The following GPC5 variants were observed in gnomAD, a reference collection of about 807,000 sequenced individuals.
GPC5 encodes glypican 5, also known as glypican-5.
A neutral mutation model predicts 53.9 loss-of-function variants in GPC5; 47 were observed. That is an observed-to-expected ratio of 0.87 (90% confidence interval 0.69 to 1.11). The LOEUF is 1.11. Ranked by LOEUF, GPC5 falls within the 50% of genes most tolerant of loss-of-function variation. GPC5 has a pLI of 0.00. For synonymous variants in GPC5, 286 were observed against 263.3 expected, an observed-to-expected ratio of 1.09 and a Z score of -0.84; for missense variants, 748 against 713.1, an observed-to-expected ratio of 1.05 and a Z score of -0.56.
intron 2 of GPC5, among the ~76,000 whole-genome samples, chr13:91,585,909 T>G (rs1157762864): frequency 2.0e-5 from 3 of 152,092 alleles, no homozygotes; most frequent in Non-Finnish European, 4.4e-5. Flanking sequence ...AGAAACTATA[T>G]TCTTCTTTAA....
chr13:91,837,638 G>T (rs1347706445), intron 5 of GPC5, among the ~76,000 whole-genome samples: 1 of 152,150 alleles, frequency 6.6e-6, no homozygotes, highest in Non-Finnish European at 1.5e-5. Context: ...TAAATTTTGT[G>T]TAACTTCTGC....
intron 6 of GPC5, among the ~76,000 whole-genome samples, chr13:91,958,041 A>T (rs1186688588): frequency 1.3e-5 from 2 of 152,068 alleles, no homozygotes; most frequent in African/African-American, 2.4e-5. Context: ...AATAACCTTG[A>T]ATATAAACAT....
At chr13:91,490,166 G>A (rs1883860891) in intron 2 of GPC5, among the ~76,000 whole-genome samples, 1 of 152,158 alleles carries the variant, frequency 6.6e-6, no homozygotes. Context: ...GAGAGGGGAT[G>A]GGTTGGGGTC....
intron 2 of GPC5, among the ~76,000 whole-genome samples, chr13:91,485,564 A>G (rs964096438): frequency 6.6e-6 from 1 of 152,058 alleles, no homozygotes; most frequent in Non-Finnish European, 1.5e-5. Flanking sequence ...TTGTTTTTGC[A>G]TGTTGGAACA....
At chr13:91,939,420 T>C (rs1443675419) in intron 6 of GPC5, among the ~76,000 whole-genome samples, 1 of 152,146 alleles carries the variant, frequency 6.6e-6, no homozygotes, top group African/African-American at 2.4e-5. Flanking sequence ...AACTCTAATC[T>C]CTAGGTTGAA....
At chr13:92,710,853 G>A (rs1888111347) in intron 7 of GPC5, among the ~76,000 whole-genome samples, 1 of 152,116 alleles carries the variant, frequency 6.6e-6, no homozygotes, top group Admixed American at 6.6e-5. Flanking sequence ...GATATCCTAG[G>A]AAGAATTATT....
chr13:92,212,459 T>G (rs2042382207), intron 7 of GPC5, among the ~76,000 whole-genome samples: 1 of 152,214 alleles, frequency 6.6e-6, no homozygotes, highest in Admixed American at 6.5e-5. Context: ...ATGAGCAGCT[T>G]TGTTAAATTT....
intron 7 of GPC5, among the ~76,000 whole-genome samples, chr13:92,392,232 G>T (rs878925951): frequency 1.3e-5 from 2 of 152,024 alleles, no homozygotes; most frequent in South Asian, 2.1e-4. Context: ...TTGTCTTGTG[G>T]CCCATGGGAG....
intron 2 of GPC5, among the ~76,000 whole-genome samples, chr13:91,551,379 A>C (rs930044245): frequency 6.6e-6 from 1 of 152,158 alleles, no homozygotes; most frequent in African/African-American, 2.4e-5. Flanking sequence ...GCAATGTGCC[A>C]ATCTCTGTTT....
intron 2 of GPC5, among the ~76,000 whole-genome samples, chr13:91,497,532 A>C (rs556574547): frequency 6.6e-6 from 1 of 152,234 alleles, no homozygotes; most frequent in African/African-American, 2.4e-5. Flanking sequence ...ATTCAGCCTG[A>C]CTGTAATTGG....
At chr13:92,023,296 G>A (rs1346981977) in intron 6 of GPC5, among the ~76,000 whole-genome samples, 1 of 151,928 alleles carries the variant, frequency 6.6e-6, no homozygotes, top group African/African-American at 2.4e-5. Flanking sequence ...TCAAACAGAA[G>A]TTAAGCAAAA....
chr13:92,274,858 C>G (rs977329031), intron 7 of GPC5, among the ~76,000 whole-genome samples: 2 of 151,890 alleles, frequency 1.3e-5, no homozygotes, highest in Non-Finnish European at 2.9e-5. Flanking sequence ...CATTCACACT[C>G]AAGAGGAAGA....
rs375353784 is a variant in GPC5, at chr13:92,434,880, G to A, written c.1561+289891G>A. On this transcript the variant is annotated intron_variant, in intron 7 of 7. Coordinates refer to ENST00000377067, the MANE Select transcript of GPC5 (RefSeq NM_004466.6). ...ATTCACTATATAACAGATACAATGC[G>A]TTTTGCTATCAATATAACCATTAAA... is the stretch of plus-strand genomic sequence containing the variant. 1.1e-4 allele frequency among the ~76,000 whole-genome samples: 17 copies of A among 152,146 alleles called. No individual in the cohort carries two copies. The South Asian group carries it at 1.2e-3, about 11-fold the overall frequency.
chr13:92,840,952 G>T (rs1411666202), intron 7 of GPC5, among the ~76,000 whole-genome samples: 1 of 151,996 alleles, frequency 6.6e-6, no homozygotes, highest in Admixed American at 6.6e-5. Context: ...AGCTGATTTT[G>T]TCTGTCCTGT....
At chr13:91,922,764 A>C (rs1420041015) in intron 6 of GPC5, among the ~76,000 whole-genome samples, 1 of 152,174 alleles carries the variant, frequency 6.6e-6, no homozygotes, top group Admixed American at 6.5e-5. Flanking sequence ...TTCTGTACCC[A>C]GGTATCTAGG....
At chr13:91,942,596 AT>A (rs2039937598) in intron 6 of GPC5, among the ~76,000 whole-genome samples, 1 of 152,090 alleles carries the variant, frequency 6.6e-6, no homozygotes, top group Non-Finnish European at 1.5e-5. Context: ...AAAAATGAAA[AT>A]TTCCATTTAC....
intron 5 of GPC5, among the ~76,000 whole-genome samples, chr13:91,882,731 G>A (rs1325421457): frequency 5.2e-5 from 6 of 115,018 alleles, no homozygotes; most frequent in Non-Finnish European, 1.1e-4. Context: ...GTAGTTAGTG[G>A]TATAGTTCAT....
intron 7 of GPC5, among the ~76,000 whole-genome samples, chr13:92,820,572 C>A (rs1051510947): frequency 1.3e-5 from 2 of 152,106 alleles, no homozygotes; most frequent in South Asian, 4.1e-4. Flanking sequence ...AAACTCACAA[C>A]GCCTTCGTTA....
At chr13:92,334,865 C>A in intron 7 of GPC5, among the ~76,000 whole-genome samples, 1 of 152,230 alleles carries the variant, frequency 6.6e-6, no homozygotes. Flanking sequence ...AGGTGGGTTC[C>A]CATGGCCTTG....
Sources: gnomAD v4.1 joint callset for allele counts (sites outside exome capture counted in the v4.1 genomes callset) on GRCh38, gnomAD v4.1.1 for gene constraint, MANE v1.5 for transcripts, NCBI Gene and HGNC (gene_info 2026-07-23, HGNC 2026-07-21) for gene names.